CSMD1: variants seen among roughly 807,000 people sequenced by gnomAD.
CSMD1 encodes CUB and sushi domain-containing protein 1.
Under a neutral mutation model 417.5 loss-of-function variants are expected in CSMD1, and 213 were observed. That is an observed-to-expected ratio of 0.51 (90% CI 0.46 to 0.57). The LOEUF is 0.57. Among genes scored for constraint, CSMD1 ranks in the 20% least tolerant of loss-of-function variants. The pLI is 0.00. For missense variants in CSMD1, 6,923 were observed against 4,529.7 expected, an observed-to-expected ratio of 1.53 and a Z score of -15.17; for synonymous variants, 2,862 against 1,736.8, an observed-to-expected ratio of 1.65 and a Z score of -16.11.
chr8:3,390,058 G>C lies in CSMD1; in HGVS notation c.2594-2376C>G, dbSNP rs112532194. On this transcript the variant is annotated intron_variant, in intron 17 of 69. Coordinates refer to ENST00000635120, the MANE Select transcript of CSMD1 (RefSeq NM_033225.6). ...CCTGAAACAAGAAAATGGTGAGAAA[G>C]AACATCTGGAATTTGGCTGGGCACG... Among the ~76,000 whole-genome samples, 608 of 152,134 alleles carry C rather than the reference G, an allele frequency of 4.0e-3. 8 individuals are homozygous for C. The highest frequency in any genetic ancestry group is 0.013 in the African/African-American group (559 of 41,512).
intron 39 of CSMD1, among the ~76,000 whole-genome samples, chr8:3,154,822 A>G (rs943805954): frequency 6.6e-6 from 1 of 152,108 alleles, no homozygotes; most frequent in African/African-American, 2.4e-5. Flanking sequence ...TTATTTTTCA[A>G]AATTAGGTCA....
At chr8:4,202,133 T>G (rs1799691329) in intron 3 of CSMD1, among the ~76,000 whole-genome samples, 1 of 152,164 alleles carries the variant, frequency 6.6e-6, no homozygotes, top group Admixed American at 6.5e-5. Context: ...AAAACATCTT[T>G]CAATCAGCCA....
intron 6 of CSMD1, among the ~76,000 whole-genome samples, chr8:3,736,334 T>A (rs1796519272): frequency 6.6e-6 from 1 of 151,964 alleles, no homozygotes; most frequent in African/African-American, 2.4e-5. Flanking sequence ...CTCCACCTCC[T>A]GGGCTCAGGT....
At chr8:4,542,552 G>C (rs572820108) in intron 2 of CSMD1, among the ~76,000 whole-genome samples, 1 of 152,116 alleles carries the variant, frequency 6.6e-6, no homozygotes, top group Non-Finnish European at 1.5e-5. Flanking sequence ...AGATAAAAGG[G>C]TGCTGTCATT....
intron 1 of CSMD1, among the ~76,000 whole-genome samples, chr8:4,730,586 A>G (rs1326105441): frequency 1.3e-5 from 2 of 151,790 alleles, no homozygotes; most frequent in African/African-American, 2.4e-5. Flanking sequence ...TAAAAATACA[A>G]AAAAATTAGC....
chr8:4,202,298 G>A (rs536523620), intron 3 of CSMD1, among the ~76,000 whole-genome samples: 7 of 151,884 alleles, frequency 4.6e-5, no homozygotes, highest in Admixed American at 3.3e-4. Flanking sequence ...AAAAAATGAA[G>A]CATCTGCCTA....
At chr8:3,253,061 C>G (rs1194512746) in intron 26 of CSMD1, among the ~76,000 whole-genome samples, 2 of 151,814 alleles carry the variant, frequency 1.3e-5, no homozygotes, top group African/African-American at 4.8e-5. Flanking sequence ...TATTTCTTTC[C>G]TTCTGCTAGC....
rs1807001352 is a variant in CSMD1, at chr8:4,694,677, G to C, written c.86-57119C>G. Among the ~76,000 whole-genome samples, 5 of 152,070 alleles carry C rather than the reference G, an allele frequency of 3.3e-5. No individual in the cohort carries two copies. The South Asian group carries it at 1.0e-3, about 32-fold the overall frequency. On this transcript the variant is annotated intron_variant, in intron 1 of 69. Coordinates refer to ENST00000635120, the MANE Select transcript of CSMD1 (RefSeq NM_033225.6). ...CGCGCCCAGCCCAATGTACTTCCTA[G>C]ATACATTGATTGATGTCTCATGTTT...
intron 1 of CSMD1, among the ~76,000 whole-genome samples, chr8:4,834,956 C>CA (rs1194297821): frequency 0.036 from 714 of 19,826 alleles, 116 homozygotes; most frequent in African/African-American, 0.092. Context: ...GACTCCATCT[C>CA]AAAAAAAAAA....
chr8:4,833,595 A>G (rs759744218), intron 1 of CSMD1, among the ~76,000 whole-genome samples: 12 of 152,210 alleles, frequency 7.9e-5, no homozygotes, highest in Non-Finnish European at 1.5e-4. Context: ...GGAGCACACG[A>G]TTTTTGAAAG....
At chr8:3,998,732 A>T (rs1474418435) in intron 4 of CSMD1, among the ~76,000 whole-genome samples, 1 of 152,122 alleles carries the variant, frequency 6.6e-6, no homozygotes, top group African/African-American at 2.4e-5. Flanking sequence ...AGTGCATTTA[A>T]AATAGAAACT....
intron 7 of CSMD1, among the ~76,000 whole-genome samples, chr8:3,701,130 AG>A (rs1800841863): frequency 6.6e-6 from 1 of 151,992 alleles, no homozygotes; most frequent in South Asian, 2.1e-4. Context: ...GAGAGGTAAG[AG>A]GGAGAGAGAT....
At chr8:3,640,384 A>G (rs1430320221) in intron 7 of CSMD1, among the ~76,000 whole-genome samples, 1 of 152,244 alleles carries the variant, frequency 6.6e-6, no homozygotes. Flanking sequence ...ATATTCAATT[A>G]TATCTTCTCA....
intron 3 of CSMD1, among the ~76,000 whole-genome samples, chr8:4,253,975 G>T (rs528917085): frequency 1.5e-5 from 2 of 134,998 alleles, no homozygotes; most frequent in African/African-American, 5.4e-5. Context: ...GGAGTGCAGT[G>T]GTGCGATCTC....
At chr8:3,613,553 T>G (rs1402910677) in intron 8 of CSMD1, among the ~76,000 whole-genome samples, 2 of 151,992 alleles carry the variant, frequency 1.3e-5, no homozygotes, top group African/African-American at 2.4e-5. Flanking sequence ...GAAAAAAACA[T>G]CATTACAAAT....
intron 3 of CSMD1, among the ~76,000 whole-genome samples, chr8:4,310,772 T>C (rs1022289112): frequency 2.6e-5 from 4 of 152,206 alleles, no homozygotes; most frequent in African/African-American, 9.6e-5. Flanking sequence ...TGTGTCCATA[T>C]ACAGCCTTAC....
intron 2 of CSMD1, among the ~76,000 whole-genome samples, chr8:4,529,251 G>C (rs547687892): frequency 5.9e-5 from 9 of 152,048 alleles, no homozygotes; most frequent in African/African-American, 1.4e-4. Context: ...TATTCTGTTC[G>C]GAGTGGACAA....
At chr8:4,052,002 T>A (rs1798457613) in intron 3 of CSMD1, among the ~76,000 whole-genome samples, 1 of 152,034 alleles carries the variant, frequency 6.6e-6, no homozygotes, top group South Asian at 2.1e-4. Flanking sequence ...CTCGGCTCAC[T>A]GCAACCTCTG....
At chr8:4,367,753 T>C (rs908692029) in intron 3 of CSMD1, among the ~76,000 whole-genome samples, 4 of 152,208 alleles carry the variant, frequency 2.6e-5, no homozygotes, top group Non-Finnish European at 5.9e-5. Flanking sequence ...TGTTTTGTAA[T>C]TCTTGCTGTG....
Sources: allele counts gnomAD v4.1 joint callset (sites outside exome capture counted in the v4.1 genomes callset), GRCh38; gene constraint gnomAD v4.1.1; transcripts MANE v1.5; gene names NCBI Gene and HGNC (gene_info 2026-07-23, HGNC 2026-07-21).